The following CYP4F2 variants were observed in gnomAD, a reference collection of about 807,000 sequenced individuals.
CYP4F2 encodes the protein cytochrome P450 family 4 subfamily F member 2.
In CYP4F2, 58 loss-of-function variants were observed where a neutral mutation model predicts 58.9. That is an observed-to-expected ratio of 0.98 (90% confidence interval 0.80 to 1.23). The LOEUF (loss-of-function observed/expected upper bound fraction) is 1.23, where lower values mean the gene tolerates loss of function less well. CYP4F2 is among the 50% of genes most tolerant of loss of function. CYP4F2 has a pLI of 0.00. For synonymous variants in CYP4F2, 287 were observed against 261.1 expected (o/e 1.10, Z -0.95); for missense variants, 616 against 685.6 (o/e 0.90, Z 1.13).
At chr19:15,889,375 C>T in intron 7 of CYP4F2, 48 bp downstream of exon 7, 1 of 1,611,756 alleles carries the variant, frequency 6.2e-7, no homozygotes, top group Non-Finnish European at 8.5e-7. Flanking sequence ...TGACATTTCA[C>T]ATGAAGCTCC....
At chr19:15,881,299 GA>G (rs555949371) in intron 9 of CYP4F2, among the ~76,000 whole-genome samples, 36 of 152,084 alleles carry the variant, frequency 2.4e-4, no homozygotes, top group African/African-American at 8.4e-4. Flanking sequence ...TTAGCATTCA[GA>G]AAAAAATAGC....
chr19:15,886,384 T>A (rs563912647), intron 7 of CYP4F2, 76 bp from the exon 8 acceptor site: 1 of 1,426,066 alleles, frequency 7.0e-7, no homozygotes, highest in African/African-American at 1.5e-5. Context: ...CTCTTGAGTC[T>A]AATCTGAGAC....
chr19:15,894,221 T>A lies in CYP4F2; in HGVS notation c.343+1285A>T, dbSNP rs569261140. Among the ~76,000 whole-genome samples, 36 of 152,360 alleles carry A rather than the reference T, an allele frequency of 2.4e-4. 1 individual carries two copies. The Middle Eastern group carries it at 0.027, about 115-fold the overall frequency. On this transcript the variant is annotated intron_variant, in intron 3 of 12. Transcript: ENST00000221700. ...CAAGCCTGAGGCCTAAGACTAGGTC[T>A]GTCTGCACCCATGGCCTGAATCCTT...
intron 7 of CYP4F2, among the ~76,000 whole-genome samples, chr19:15,886,823 C>G (rs1426122273): frequency 1.3e-5 from 2 of 152,226 alleles, no homozygotes; most frequent in Non-Finnish European, 1.5e-5. Context: ...CAATCTCTCT[C>G]TCTCTCTTTC....
rs543475756 is a variant in CYP4F2 at position 15,893,820 on chromosome 19, A to C, written c.344-1238T>G. On this transcript the variant is annotated intron_variant, in intron 3 of 12. Coordinates refer to ENST00000221700, the MANE Select transcript of CYP4F2 (RefSeq NM_001082.5). The stretch of plus-strand genomic sequence containing the variant: ...CCAGGGCCCCACCCACCAGCAGCCC[A>C]TATCCCCAAAGGTGCACGCCAGGCT... The C allele has an allele frequency of 2.8e-5, 7 of 251,596 alleles. No individual in the cohort carries two copies. The South Asian group carries it at 5.3e-4, about 19-fold the overall frequency. The allele number at this position is 251,596 out of a possible 1,614,324, so 15.6% of individuals were successfully genotyped here. A position where few individuals can be genotyped will look rare whatever the true frequency, so the allele number is the denominator to read the frequency against.
chr19:15,891,810 T>C (rs766092344), intron 5 of CYP4F2, among the ~76,000 whole-genome samples: 26 of 152,084 alleles, frequency 1.7e-4, no homozygotes, highest in South Asian at 2.1e-4. Flanking sequence ...AACCCAAACA[T>C]GTCCCAGCCA....
At chr19:15,897,206 A>T (rs994575291) in intron 2 of CYP4F2, among the ~76,000 whole-genome samples, 4 of 152,160 alleles carry the variant, frequency 2.6e-5, no homozygotes, top group African/African-American at 9.7e-5. Context: ...GATTCAATGC[A>T]GGCCTGGAGT....
rs758521136 is a variant in CYP4F2 at position 15,879,814 on chromosome 19, C to T, written c.1199G>A (p.Arg400His). The T allele has an allele frequency of 5.8e-5, 93 of 1,614,036 alleles. No homozygotes were observed. The Middle Eastern group carries it at 8.2e-4, about 14-fold the overall frequency. Residue 400 changes from arginine (R) to histidine (H), a missense_variant, in exon 10 of 13, where the codon CGC (arginine) becomes CAC (histidine). Transcript: ENST00000221700. The part of the protein sequence containing the change: ...RLHPPVPVIS[R>H]HVTQDIVLPD... Reference sequence around the variant, plus strand: ...GAGCACAATGTCCTGGGTGACATGGCGGGAGATGACCGGGACTGGGGGATG... The same window carrying T: ...GAGCACAATGTCCTGGGTGACATGGTGGGAGATGACCGGGACTGGGGGATG...
intron 3 of CYP4F2, among the ~76,000 whole-genome samples, chr19:15,895,138 C>T (rs1160067481): frequency 3.3e-5 from 5 of 152,222 alleles, no homozygotes; most frequent in Non-Finnish European, 5.9e-5. Context: ...TTCCAGCCTG[C>T]CCCAGCAGAG....
rs763633789 is a variant in CYP4F2 at position 15,889,588 on chromosome 19, A to C, written c.753T>G (p.Pro251=). Reference sequence around the variant, plus strand: ...AGGCCCTGCGGAAACGCTGCCCATCAGGGGTGAGATAATACAGGAAGTCAA... The same window carrying C: ...AGGCCCTGCGGAAACGCTGCCCATCCGGGGTGAGATAATACAGGAAGTCAA... ...LHIDFLYYLT[P]DGQRFRRACR... The change falls in exon 7 of 13, where the codon CCT becomes CCG. Residue 251 remains proline, a synonymous_variant. Transcript: ENST00000221700. 19 of 1,614,178 alleles carry C rather than the reference A, an allele frequency of 1.2e-5. No homozygotes were observed. The South Asian group carries it at 1.9e-4, about 16-fold the overall frequency.
chr19:15,884,320 G>A (rs1026662733), intron 9 of CYP4F2, among the ~76,000 whole-genome samples: 5 of 152,070 alleles, frequency 3.3e-5, no homozygotes, highest in African/African-American at 4.8e-5. Flanking sequence ...CATGAAAGTA[G>A]AAGGTAGATT....
At chr19:15,890,606 A>T (rs896859027) in intron 5 of CYP4F2, among the ~76,000 whole-genome samples, 173 bp from the exon 6 acceptor site, 10 of 152,184 alleles carry the variant, frequency 6.6e-5, no homozygotes, top group African/African-American at 2.4e-4. Flanking sequence ...CTATTAAGAG[A>T]TGAAGACCCA....
chr19:15,879,385 C>T lies in CYP4F2; in HGVS notation c.1358G>A (p.Arg453Lys). The change falls in exon 12 of 13, where the codon AGG becomes AAG. Residue 453 changes from arginine (R) to lysine (K), a missense_variant. By Grantham distance (26) the Arg-to-Lys change is conservative. Transcript: ENST00000221700. Reference sequence around the variant, plus strand: ...GAAGGGAATAAAAGCCAGAGGTGACCTCTCCTTGATGTTCTCTGGGTCAAA... The same window carrying T: ...GAAGGGAATAAAAGCCAGAGGTGACTTCTCCTTGATGTTCTCTGGGTCAAA... ...FRFDPENIKE[R>K]SPLAFIPFSA... 3 of 1,614,144 alleles carry T rather than the reference C, an allele frequency of 1.9e-6. No homozygotes were observed. The highest frequency in any genetic ancestry group is 2.2e-5 in the East Asian group (1 of 44,852).
intron 9 of CYP4F2, among the ~76,000 whole-genome samples, chr19:15,882,731 AAAAC>A (rs1282694207): frequency 6.6e-6 from 1 of 152,256 alleles, no homozygotes; most frequent in Non-Finnish European, 1.5e-5. Flanking sequence ...GAACAATTTA[AAAAC>A]AAACTCATTT....
rs372871763 is a variant in CYP4F2, at chr19:15,879,844, C to T, written c.1169G>A (p.Arg390Gln). The T allele has an allele frequency of 9.9e-6, 16 of 1,614,098 alleles. No homozygotes were observed. The highest frequency in any genetic ancestry group is 6.7e-5 in the East Asian group (3 of 44,868). The stretch of plus-strand genomic sequence containing the variant: ...GATGACCGGGACTGGGGGATGCAGC[C>T]GCAGGCTCTCCTTCATGCACATGGT... ...FLTMCMKESL[R>Q]LHPPVPVISR... The change falls in exon 10 of 13, where the codon CGG (arginine) becomes CAG (glutamine). Residue 390 changes from arginine to glutamine, a missense_variant. By Grantham distance (43) the Arg-to-Gln change is conservative. Coordinates refer to ENST00000221700, the MANE Select transcript of CYP4F2 (RefSeq NM_001082.5).
intron 9 of CYP4F2, among the ~76,000 whole-genome samples, chr19:15,885,188 C>T (rs2089369834): frequency 1.3e-5 from 2 of 151,878 alleles, no homozygotes; most frequent in South Asian, 4.2e-4. Flanking sequence ...TGACCTAGAG[C>T]ACTGCCCCCC....
In CYP4F2 at chr19:15,886,016, C is replaced by T. The variant is rs2089376602; in HGVS notation, c.1023G>A (p.Leu341=). ...DTTASGLSWV[L]YHLAKHPEYQ... Reference sequence around the variant, plus strand: ...ATTCTGGGTGCTTTGCAAGGTGGTACAGGACCCAGGAGAGACCACTGGCCG... The same window carrying T: ...ATTCTGGGTGCTTTGCAAGGTGGTATAGGACCCAGGAGAGACCACTGGCCG... The change falls in exon 9 of 13, where the codon CTG becomes CTA. Residue 341 remains leucine, a synonymous_variant. Transcript: ENST00000221700. 6.2e-7 allele frequency: 1 copy of T among 1,613,944 alleles called. No homozygotes were observed.
chr19:15,890,865 T>C (rs1411325294), intron 5 of CYP4F2, among the ~76,000 whole-genome samples: 1 of 152,184 alleles, frequency 6.6e-6, no homozygotes, highest in African/African-American at 2.4e-5. Flanking sequence ...TCATCTACCA[T>C]GGGGCAAAAA....
At chr19:15,895,418 A>G (rs1195090903) in intron 3 of CYP4F2, 88 bp downstream of exon 3, 1 of 1,409,114 alleles carries the variant, frequency 7.1e-7, no homozygotes, top group Admixed American at 3.0e-5. Context: ...AGGAGAGGCC[A>G]GAGTACTGCA....
Sources: gnomAD v4.1 joint callset for allele counts (sites outside exome capture counted in the v4.1 genomes callset) on GRCh38, gnomAD v4.1.1 for gene constraint, MANE v1.5 for transcripts, NCBI Gene and HGNC (gene_info 2026-07-23, HGNC 2026-07-21) for gene names.